ROBO2: variants seen among roughly 807,000 people sequenced by gnomAD.
ROBO2 encodes roundabout homolog 2.
A neutral mutation model predicts 160.8 loss-of-function variants in ROBO2; 53 were observed. The observed-to-expected ratio is 0.33, with a 90% confidence interval of 0.26 to 0.41. The LOEUF (loss-of-function observed/expected upper bound fraction) is 0.41. Ranked by LOEUF, ROBO2 falls within the 10% of genes least tolerant of loss-of-function variation. ROBO2 has a pLI of 1.00. For synonymous variants in ROBO2, 664 were observed against 611.7 expected, an observed-to-expected ratio of 1.09 and a Z score of -1.26; for missense variants, 1,577 against 1,722.4, an observed-to-expected ratio of 0.92 and a Z score of 1.49.
chr3:76,051,363 A>C (rs2067647936), intron 2 of ROBO2, among the ~76,000 whole-genome samples: 1 of 152,212 alleles, frequency 6.6e-6, no homozygotes, highest in Non-Finnish European at 1.5e-5. Flanking sequence ...ACTTTGAACT[A>C]ATCAAGGAAG....
At chr3:77,204,293 C>A (rs918778431) in intron 2 of ROBO2, among the ~76,000 whole-genome samples, 1 of 152,102 alleles carries the variant, frequency 6.6e-6, no homozygotes, top group Non-Finnish European at 1.5e-5. Flanking sequence ...GTGCATGCAA[C>A]TAAAATATGT....
chr3:77,450,566 T>A (rs2081012989), intron 2 of ROBO2, among the ~76,000 whole-genome samples: 1 of 152,116 alleles, frequency 6.6e-6, no homozygotes, highest in Non-Finnish European at 1.5e-5. Context: ...TACTGGTATA[T>A]TTAATAAATT....
intron 2 of ROBO2, among the ~76,000 whole-genome samples, chr3:76,945,598 T>G (rs1178270952): frequency 1.3e-5 from 2 of 152,244 alleles, no homozygotes; most frequent in African/African-American, 4.8e-5. Context: ...CCATTTGAAG[T>G]CGTTTCACCG....
chr3:76,033,193 A>G (rs1046835777), intron 2 of ROBO2, among the ~76,000 whole-genome samples: 3 of 152,048 alleles, frequency 2.0e-5, no homozygotes, highest in Non-Finnish European at 4.4e-5. Flanking sequence ...GTTGGGACAT[A>G]ACTTCTAAAG....
In ROBO2 at chr3:77,360,257, C is replaced by A. The variant is rs777741794; in HGVS notation, c.389-117157C>A. Among the ~76,000 whole-genome samples the A allele has an allele frequency of 1.5e-4, 23 of 151,032 alleles. 1 individual carries two copies. Among genetic ancestry groups the A allele is most frequent in the African/African-American group, 4.6e-4 (19 of 41,202 alleles). On this transcript the variant is annotated intron_variant, in intron 2 of 25. Coordinates refer to ENST00000461745, the Ensembl canonical transcript of ROBO2. ...AACAGTTAGAATGTAATGCAACCCC[C>A]CCCCCAAATTTAGAAGCCCAGGAGG... is the stretch of plus-strand genomic sequence containing the variant.
chr3:76,355,826 T>C (rs1451896189), intron 2 of ROBO2, among the ~76,000 whole-genome samples: 1 of 151,738 alleles, frequency 6.6e-6, no homozygotes, highest in Non-Finnish European at 1.5e-5. Flanking sequence ...GAAAACATTA[T>C]TCAGAGGTTT....
intron 2 of ROBO2, among the ~76,000 whole-genome samples, chr3:76,907,610 T>TC (rs2075690221): frequency 6.6e-6 from 1 of 152,158 alleles, no homozygotes; most frequent in African/African-American, 2.4e-5. Context: ...CTTCTTCCTT[T>TC]CTGTAAGATT....
intron 2 of ROBO2, among the ~76,000 whole-genome samples, chr3:76,534,643 C>T (rs986208695): frequency 2.0e-5 from 3 of 152,114 alleles, no homozygotes; most frequent in African/African-American, 7.2e-5. Flanking sequence ...TTATGTTGTG[C>T]TGGATGCTGG....
chr3:76,640,744 G>A (rs1411231933), intron 2 of ROBO2, among the ~76,000 whole-genome samples: 3 of 151,712 alleles, frequency 2.0e-5, no homozygotes, highest in Non-Finnish European at 4.4e-5. Context: ...AAGGAACCAG[G>A]GTTTCTTGGA....
At chr3:77,575,774 G>A (rs2093747425) in intron 14 of ROBO2, among the ~76,000 whole-genome samples, 1 of 152,102 alleles carries the variant, frequency 6.6e-6, no homozygotes, top group Non-Finnish European at 1.5e-5. Context: ...TTCACTCTGT[G>A]TTGCAAATTG....
rs185313464 is a variant in ROBO2 at position 76,799,290 on chromosome 3, T to A, written c.110-298724T>A. ...TGGTATCCTGCTGAATGGGAAAAAA[T>A]TGAAAGCCTTTCATCTAAGATCTTG... On this transcript the variant is annotated intron_variant, in intron 2 of 26. Transcript: ENST00000487694. 1.1e-3 allele frequency among the ~76,000 whole-genome samples: 160 copies of A among 150,868 alleles called. 1 individual carries two copies. The highest frequency in any genetic ancestry group is 2.2e-3 in the Admixed American group (34 of 15,142).
chr3:76,400,164 A>T (rs529827850), intron 2 of ROBO2, among the ~76,000 whole-genome samples: 1 of 151,692 alleles, frequency 6.6e-6, no homozygotes, highest in African/African-American at 2.4e-5. Flanking sequence ...CACTTGGAAA[A>T]CATTCTGGAA....
intron 1 of ROBO2, among the ~76,000 whole-genome samples, chr3:77,042,463 A>C (rs2064196662): frequency 6.6e-6 from 1 of 152,232 alleles, no homozygotes; most frequent in Non-Finnish European, 1.5e-5. Context: ...ATTAGACTAC[A>C]AAATTATCAC....
intron 2 of ROBO2, among the ~76,000 whole-genome samples, chr3:76,303,883 G>T (rs568539922): frequency 9.2e-5 from 14 of 152,288 alleles, no homozygotes; most frequent in African/African-American, 3.4e-4. Context: ...GAACTGATGT[G>T]CAACCCGGTG....
intron 2 of ROBO2, among the ~76,000 whole-genome samples, chr3:76,208,290 C>G (rs960553989): frequency 2.6e-5 from 4 of 152,156 alleles, no homozygotes; most frequent in African/African-American, 9.7e-5. Flanking sequence ...GAGGAATGCT[C>G]TCCTTGTAAT....
intron 2 of ROBO2, among the ~76,000 whole-genome samples, chr3:75,994,960 T>C (rs546194864): frequency 0.03 from 4,632 of 152,316 alleles, 217 homozygotes; most frequent in African/African-American, 0.098. Context: ...ATTTTGCCCC[T>C]GCCCTAGAGA....
chr3:76,184,542 G>GAGAT (rs78271272), intron 2 of ROBO2, among the ~76,000 whole-genome samples: 10,540 of 146,288 alleles, frequency 0.072, 472 homozygotes, highest in African/African-American at 0.13. Context: ...GAACAAATAG[G>GAGAT]AGATAGATAG....
intron 2 of ROBO2, among the ~76,000 whole-genome samples, chr3:76,298,542 C>T (rs1480446324): frequency 6.6e-6 from 1 of 152,156 alleles, no homozygotes; most frequent in African/African-American, 2.4e-5. Flanking sequence ...TACATCTTGG[C>T]ACTTGTTCAA....
Position 77,615,149 on chromosome 3 carries a change from A to G in ROBO2, c.3294-2364A>G, listed in dbSNP as rs1007596346. Among the ~76,000 whole-genome samples, 4 of 152,256 alleles carry G rather than the reference A, an allele frequency of 2.6e-5. No individual in the cohort carries two copies. In the East Asian group the frequency reaches 7.7e-4, roughly 29 times the overall value. On this transcript the variant is annotated intron_variant, in intron 21 of 25. Transcript: ENST00000461745. ...TGAAATAGATTCAGGACCCTGACAC[A>G]TAACTGTCCAAAAAAATAAATTAAG...
Sources: allele counts gnomAD v4.1 joint callset (sites outside exome capture counted in the v4.1 genomes callset), GRCh38; gene constraint gnomAD v4.1.1; transcripts MANE v1.5; gene names NCBI Gene and HGNC (gene_info 2026-07-23, HGNC 2026-07-21).